ATP1A3: variants seen among roughly 807,000 people sequenced by gnomAD.
ATP1A3 encodes sodium/potassium-transporting ATPase subunit alpha-3.
In ATP1A3, 12 loss-of-function variants were observed where a neutral mutation model predicts 108.8. The ratio of observed to expected loss-of-function variants is 0.11; its 90% CI spans 0.07 to 0.18. The LOEUF is 0.18. Among genes scored for constraint, ATP1A3 ranks in the 10% least tolerant of loss-of-function variants. The probability of loss-of-function intolerance (pLI) is 1.00; values close to 1 mark genes in which losing one functional copy is unlikely to be tolerated. For synonymous variants in ATP1A3, 539 were observed against 564.5 expected (o/e 0.95, Z 0.64); for missense variants, 498 against 1,387.7 (o/e 0.36, Z 10.19).
rs2075063495 is a variant in ATP1A3, at chr19:41,968,042, AGACAGACACAGG to A, written c.2820-291_2820-280del. The stretch of plus-strand genomic sequence containing the variant: ...CAGAGACAGACAGGGACAGACAGAG[AGACAGACACAGG>A]GACAGACACAGAGACAGGGACAGAA... On this transcript the variant is annotated intron_variant, in intron 20 of 22. Transcript: ENST00000648268. This position sits in a 1 kb window ranked among gnomAD's most constrained non-coding sequence, Gnocchi z 5.0. Among the ~76,000 whole-genome samples the A allele has an allele frequency of 5.6e-5, 1 of 17,708 alleles. No individual in the cohort carries two copies. The highest frequency in any genetic ancestry group is 1.2e-3 in the South Asian group (1 of 850). 11.6% of individuals were successfully genotyped at this position (17,708 alleles called of 152,430 possible).
intron 4 of ATP1A3, 138 bp from the exon 5 acceptor site, chr19:41,986,367 A>G: frequency 1.3e-6 from 1 of 758,284 alleles, no homozygotes; most frequent in Non-Finnish European, 2.2e-6. Context: ...GTTGGTTATG[A>G]GGGTTGGTGT....
chr19:41,975,852 C>T (rs2145959897), intron 15 of ATP1A3, 55 bp from the exon 16 acceptor site: 1 of 1,611,014 alleles, frequency 6.2e-7, no homozygotes, highest in Non-Finnish European at 8.5e-7. Flanking sequence ...AGAGTCCCCT[C>T]CCTCAGATCC....
At chr19:41,984,743 T>A in intron 8 of ATP1A3, 175 bp downstream of exon 8, 40 of 688,582 alleles carry the variant, frequency 5.8e-5, no homozygotes, top group East Asian at 8.9e-5. Context: ...CCCCAGCCCC[T>A]TCTCCGGACC....
chr19:41,972,840 A>AGG (rs1337959720), intron 16 of ATP1A3, among the ~76,000 whole-genome samples: 10 of 134,370 alleles, frequency 7.4e-5, no homozygotes, highest in African/African-American at 2.9e-4. Context: ...GAAGGAAGGA[A>AGG]GGAAGGAAGG....
rs551800669 is a variant in ATP1A3, at chr19:41,992,968, C to G, written c.6+1103G>C. 9 of 192,450 alleles carry G rather than the reference C, an allele frequency of 4.7e-5. 1 individual carries two copies. In the South Asian group the frequency reaches 1.0e-3, roughly 22 times the overall value. The allele number at this position is 192,450 out of a possible 1,614,324, so 11.9% of individuals were successfully genotyped here. ...ACTACCCCTTTCTCCCTTCTCTCCC[C>G]TAGTCCTGCCCCAACCCAATCCTCC... On this transcript the variant is annotated intron_variant, in intron 1 of 22. Transcript: ENST00000648268.
At chr19:41,986,417 G>T in intron 4 of ATP1A3, 188 bp from the exon 5 acceptor site, 1 of 551,734 alleles carries the variant, frequency 1.8e-6, no homozygotes, top group Non-Finnish European at 3.3e-6. Flanking sequence ...CCCTCTTTCT[G>T]TAATGGTTGT....
intron 1 of ATP1A3, chr19:41,993,491 T>G: frequency 6.9e-7 from 1 of 1,444,584 alleles, no homozygotes; most frequent in Admixed American, 2.1e-5. Flanking sequence ...GCTGCGACAC[T>G]GCGGAGCCTG....
chr19:41,980,727 C>T (rs918340402), intron 11 of ATP1A3, among the ~76,000 whole-genome samples: 4 of 151,914 alleles, frequency 2.6e-5, no homozygotes, highest in African/African-American at 4.8e-5. Flanking sequence ...CTGGCTAACA[C>T]GGTGAAACCC....
At chr19:41,975,835 A>G (rs1341338936) in intron 15 of ATP1A3, 38 bp from the exon 16 acceptor site, 2 of 1,608,160 alleles carry the variant, frequency 1.2e-6, no homozygotes, top group African/African-American at 2.7e-5. Flanking sequence ...CCCAGAGGCC[A>G]GTCCCCAGAG....
chr19:41,993,442 C>T, intron 1 of ATP1A3: 1 of 1,535,152 alleles, frequency 6.5e-7, no homozygotes, highest in Non-Finnish European at 8.7e-7. Context: ...GCCTGCTCCC[C>T]TACATGAGGG....
At position 41,978,906 on chromosome 19, in the gene ATP1A3, C is replaced by G; in HGVS notation, c.1438-108G>C. On this transcript the variant is annotated intron_variant, in intron 11 of 22. Coordinates refer to ENST00000648268, the MANE Select transcript of ATP1A3 (RefSeq NM_152296.5). The surrounding 1 kb of genome is among the most constrained non-coding windows in gnomAD (Gnocchi z 8.3). ...CCACGGGTGCCAGGATAGGCCCACA[C>G]CAGGGCTCCCCCACACTCTCTCACA... is the stretch of plus-strand genomic sequence containing the variant. The G allele has an allele frequency of 9.7e-7, 1 of 1,032,068 alleles. No individual in the cohort carries two copies. The highest frequency in any genetic ancestry group is 1.5e-6 in the Non-Finnish European group (1 of 687,170). The allele number at this position is 1,032,068 out of a possible 1,614,324, so 63.9% of individuals were successfully genotyped here.
intron 16 of ATP1A3, 44 bp from the exon 17 acceptor site, chr19:41,970,586 C>A (rs781834105): frequency 6.2e-7 from 1 of 1,609,794 alleles, no homozygotes; most frequent in African/African-American, 1.3e-5. Flanking sequence ...TGCCAGGGAG[C>A]CCCACTCCCT....
intron 8 of ATP1A3, among the ~76,000 whole-genome samples, chr19:41,983,014 T>A (rs782705324): frequency 1.3e-4 from 20 of 152,172 alleles, no homozygotes; most frequent in Admixed American, 6.5e-4. Flanking sequence ...ATATGCTTAA[T>A]CCTTTGCGTA....
Position 41,988,081 on chromosome 19 carries a change from G to A in ATP1A3, c.212C>T (p.Thr71Met). The stretch of plus-strand genomic sequence containing the variant: ...CCACTCTGGGGTGGTAGGCGGTGGC[G>A]TGAGTGCGTTAGGCCCATCCCGGGC... ...ILARDGPNAL[T>M]PPPTTPEWVK... is the part of the protein sequence containing the mutation. Residue 71 changes from threonine (T) to methionine (M), a missense_variant, in exon 4 of 23, where the codon ACG becomes ATG. Physicochemically the swap from Thr to Met is moderately conservative, Grantham distance 81. Transcript: ENST00000648268. The surrounding 1 kb of genome is among the most constrained non-coding windows in gnomAD (Gnocchi z 5.3). 2.5e-6 allele frequency: 4 copies of A among 1,614,126 alleles called. No homozygotes were observed. The highest frequency in any genetic ancestry group is 3.4e-6 in the Non-Finnish European group (4 of 1,180,018).
intron 16 of ATP1A3, among the ~76,000 whole-genome samples, chr19:41,974,982 T>G (rs1338148156): frequency 6.6e-6 from 1 of 152,072 alleles, no homozygotes; most frequent in East Asian, 1.9e-4. Context: ...GGAAGCTCCC[T>G]TGACCCCCAG....
At chr19:41,973,412 C>T (rs781853365) in intron 16 of ATP1A3, among the ~76,000 whole-genome samples, 19 of 152,184 alleles carry the variant, frequency 1.2e-4, no homozygotes, top group Non-Finnish European at 1.3e-4. Context: ...TGCAACACCA[C>T]GCCCTGCTAA....
rs2075079968 is a variant in ATP1A3, at chr19:41,969,563, C to T, written c.2560G>A (p.Gly854Ser). 6.2e-7 allele frequency: 1 copy of T among 1,613,932 alleles called. No individual in the cohort carries two copies. The highest frequency in any genetic ancestry group is 8.5e-7 in the Non-Finnish European group (1 of 1,180,024). Residue 854 changes from glycine to serine, a missense_variant, in exon 19 of 23, where the codon GGT becomes AGT. Physicochemically the swap from Gly to Ser is moderately conservative, Grantham distance 56 (BLOSUM62 0). This residue lies in a region of ATP1A3 where 121 missense variants were observed against 425.1 expected (regional missense o/e 0.28). Coordinates refer to ENST00000648268, the MANE Select transcript of ATP1A3 (RefSeq NM_152296.5). Reference sequence around the variant, plus strand: ...ATCACAAAGTAAGAGAAGAAGCCACCGAGAGCCTGGATCATTCCTGGAAGG... The same window carrying T: ...ATCACAAAGTAAGAGAAGAAGCCACTGAGAGCCTGGATCATTCCTGGAAGG... Reference protein sequence around the residue: ...YGQIGMIQALGGFFSYFVILA... With the variant: ...YGQIGMIQALSGFFSYFVILA...
rs1555858949 is a variant in ATP1A3 at position 41,967,724 on chromosome 19, G to A, written c.2859C>T (p.Ala953=). The A allele has an allele frequency of 6.2e-7, 1 of 1,613,950 alleles. No individual in the cohort carries two copies. Residue 953 remains alanine, a synonymous_variant, in exon 21 of 23, where the codon GCC becomes GCT. Transcript: ENST00000648268. This position sits in a 1 kb window ranked among gnomAD's most constrained non-coding sequence, Gnocchi z 4.2. ...GGCAGTAGGACAGGAAGGCAGCCAG[G>A]GCCGTCTCCTCAAACAGCCCGAAGA... ...ILIFGLFEET[A]LAAFLSYCPG...
chr19:41,986,305 G>A (rs1555865465), intron 4 of ATP1A3, 76 bp from the exon 5 acceptor site: 2 of 1,447,454 alleles, frequency 1.4e-6, no homozygotes, highest in African/African-American at 1.4e-5. Context: ...CCTGGAGTCT[G>A]GGAAGGGAGC....
Sources: allele counts gnomAD v4.1 joint callset (sites outside exome capture counted in the v4.1 genomes callset), GRCh38; gene constraint gnomAD v4.1.1; regional missense constraint gnomAD v4.1.1; non-coding constraint Gnocchi (gnomAD v3.1); transcripts MANE v1.5; gene names NCBI Gene and HGNC (gene_info 2026-07-23, HGNC 2026-07-21).